Variants in LARP1 observed in about 807,000 individuals in gnomAD.
The protein encoded by LARP1 is la-related protein 1.
LARP1 carries 36 observed loss-of-function variants against 122.7 expected under a neutral mutation model. That is an observed-to-expected ratio of 0.29 (90% CI 0.22 to 0.39). The LOEUF (loss-of-function observed/expected upper bound fraction) is 0.39. LARP1 is among the 10% of genes least tolerant of loss of function. The pLI, the probability that LARP1 is intolerant of heterozygous loss-of-function variation, is 1.00. For missense variants in LARP1, 1,040 were observed against 1,403.6 expected, an observed-to-expected ratio of 0.74 and a Z score of 4.14; for synonymous variants, 539 against 528.7, an observed-to-expected ratio of 1.02 and a Z score of -0.27.
rs1582426403 is a variant in LARP1 at position 154,792,530 on chromosome 5, C to T, written c.565-92C>T. ...CAGCCTGCCATTGCATGCTGTGGCT[C>T]CTGCCTGCCCTTCTAGTGACAGGGA... On this transcript the variant is annotated intron_variant, in intron 3 of 18. Coordinates refer to ENST00000518297, the MANE Select transcript of LARP1 (RefSeq NM_033551.3). 2.7e-5 allele frequency: 32 copies of T among 1,170,060 alleles called. No homozygotes were observed. In the East Asian group the frequency reaches 7.3e-4, roughly 27 times the overall value. The allele number at this position is 1,170,060 out of a possible 1,614,324, so 72.5% of individuals were successfully genotyped here. A position where few individuals can be genotyped will look rare whatever the true frequency, so the allele number is the denominator to read the frequency against.
intron 1 of LARP1, among the ~76,000 whole-genome samples, chr5:154,696,190 C>G (rs1222468825): frequency 6.6e-6 from 1 of 151,986 alleles, no homozygotes; most frequent in Non-Finnish European, 1.5e-5. Context: ...AACACTTTTT[C>G]TACAAAAAAT....
At chr5:154,739,134 A>G (rs759331030) in intron 1 of LARP1, among the ~76,000 whole-genome samples, 5 of 151,192 alleles carry the variant, frequency 3.3e-5, no homozygotes, top group African/African-American at 4.9e-5. Context: ...TTCTGCCTCA[A>G]CCTCCCAAGT....
Position 154,790,393 on chromosome 5 carries a change from A to G in LARP1, c.498+7A>G. ...ACAGCGCAAAGGCAGCAAGGTAAAGAATAACAGTGGGCAACCCAAGGGGAC... is the reference window on the plus strand; with the variant it reads ...ACAGCGCAAAGGCAGCAAGGTAAAGGATAACAGTGGGCAACCCAAGGGGAC... On this transcript the variant is annotated splice_region_variant and intron_variant, in intron 2 of 18. Transcript: ENST00000518297. 6.2e-7 allele frequency: 1 copy of G among 1,613,032 alleles called. No individual in the cohort carries two copies. Among genetic ancestry groups the G allele is most frequent in the South Asian group, 1.1e-5 (1 of 90,902 alleles).
upstream of LARP1, among the ~76,000 whole-genome samples, chr5:154,711,383 G>A (rs1403833644): frequency 2.6e-5 from 4 of 152,050 alleles, no homozygotes; most frequent in Non-Finnish European, 5.9e-5. Flanking sequence ...CTCGTGATCC[G>A]CCCACCTCAG....
intron 1 of LARP1, among the ~76,000 whole-genome samples, chr5:154,784,360 T>A (rs1756712882): frequency 6.6e-6 from 1 of 152,186 alleles, no homozygotes; most frequent in African/African-American, 2.4e-5. Context: ...CTGGGAGGTC[T>A]ACCCGAAGGA....
chr5:154,774,262 T>C (rs1033489977), intron 1 of LARP1, among the ~76,000 whole-genome samples: 4 of 152,052 alleles, frequency 2.6e-5, no homozygotes, highest in African/African-American at 9.7e-5. Flanking sequence ...GGATGGAGTT[T>C]AAATACTGGA....
chr5:154,707,498 G>T (rs1480157079), intron 1 of LARP1, among the ~76,000 whole-genome samples: 1 of 152,072 alleles, frequency 6.6e-6, no homozygotes, highest in Non-Finnish European at 1.5e-5. Flanking sequence ...AAGACACCTT[G>T]GTTCCTTTTA....
intron 1 of LARP1, among the ~76,000 whole-genome samples, chr5:154,692,157 C>T (rs1754250991): frequency 6.6e-6 from 1 of 152,216 alleles, no homozygotes; most frequent in Admixed American, 6.5e-5. Context: ...ACTGAAACCC[C>T]TTAGAACGGT....
intron 1 of LARP1, 97 bp downstream of exon 1, chr5:154,756,290 C>T: frequency 2.4e-5 from 24 of 982,090 alleles, no homozygotes; most frequent in South Asian, 5.2e-5. Flanking sequence ...GGTCTGCTAC[C>T]GGTCATGGTG....
chr5:154,703,383 C>G (rs1159611460), intron 1 of LARP1, among the ~76,000 whole-genome samples: 1 of 152,156 alleles, frequency 6.6e-6, no homozygotes, highest in Non-Finnish European at 1.5e-5. Flanking sequence ...GGCAGGTGGA[C>G]TGACCAACTG....
chr5:154,713,135 G>A (rs762450317), intron 1 of LARP1: 19 of 1,607,932 alleles, frequency 1.2e-5, no homozygotes, highest in Middle Eastern at 1.9e-4. Flanking sequence ...ACCCTGGTGA[G>A]TCCTAGCACT....
At chr5:154,784,057 C>T (rs1411203299) in intron 1 of LARP1, among the ~76,000 whole-genome samples, 1 of 152,228 alleles carries the variant, frequency 6.6e-6, no homozygotes, top group Non-Finnish European at 1.5e-5. Context: ...CCAGCAGTTT[C>T]TAGGACACTA....
At chr5:154,789,598 AATGG>A (rs1197837780) in intron 1 of LARP1, among the ~76,000 whole-genome samples, 1 of 152,198 alleles carries the variant, frequency 6.6e-6, no homozygotes, top group Non-Finnish European at 1.5e-5. Context: ...CTTTTCTAAA[AATGG>A]ATGAACTTTA....
intron 1 of LARP1, among the ~76,000 whole-genome samples, chr5:154,776,887 C>T (rs923492657): frequency 6.6e-6 from 1 of 152,202 alleles, no homozygotes; most frequent in African/African-American, 2.4e-5. Context: ...TTTGGAACAG[C>T]TCTGCTATTT....
chr5:154,767,166 A>G (rs1755021312), intron 1 of LARP1, among the ~76,000 whole-genome samples: 1 of 152,222 alleles, frequency 6.6e-6, no homozygotes, highest in East Asian at 1.9e-4. Context: ...GCCCTTGGAT[A>G]GGTTGCTAAC....
At chr5:154,709,283 C>T (rs911542119), upstream of LARP1, among the ~76,000 whole-genome samples, 4 of 152,256 alleles carry the variant, frequency 2.6e-5, no homozygotes, top group Non-Finnish European at 5.9e-5. Flanking sequence ...TGGTGGCCTT[C>T]AATAATTGCT....
At chr5:154,727,468 G>A (rs1756291626) in intron 1 of LARP1, among the ~76,000 whole-genome samples, 1 of 152,174 alleles carries the variant, frequency 6.6e-6, no homozygotes, top group Admixed American at 6.5e-5. Context: ...GAGTAGAATG[G>A]TGGTTACCAA....
intron 1 of LARP1, among the ~76,000 whole-genome samples, chr5:154,699,557 C>T (rs574446687): frequency 5.9e-5 from 9 of 152,058 alleles, no homozygotes; most frequent in African/African-American, 1.4e-4. Context: ...GTTCCTGAAA[C>T]GGGACTACTG....
chr5:154,802,253 C>T lies in LARP1; in HGVS notation c.1963C>T (p.Arg655Trp). 4 of 1,614,162 alleles carry T rather than the reference C, an allele frequency of 2.5e-6. No individual in the cohort carries two copies. Among genetic ancestry groups the T allele is most frequent in the East Asian group, 2.2e-5 (1 of 44,888 alleles). Residue 655 changes from arginine (R) to tryptophan (W), a missense_variant, in exon 11 of 19, where the codon CGG becomes TGG. By Grantham distance (101) the Arg-to-Trp change is moderately radical. Around this residue, in one of 8 missense-constraint regions of LARP1, gnomAD observed 362 missense variants for 533.1 expected, o/e 0.68. Transcript: ENST00000518297. This position sits in a 1 kb window ranked among gnomAD's most constrained non-coding sequence, Gnocchi z 5.1. Reference protein sequence around the residue: ...IVTQTPHYMRRHPGGDRTGNH... With the variant: ...IVTQTPHYMRWHPGGDRTGNH... ...CACCCAGACACCACATTACATGCGC[C>T]GGCACCCAGGGGGGGACCGCACAGG...
Sources: gnomAD v4.1 joint callset for allele counts (sites outside exome capture counted in the v4.1 genomes callset) on GRCh38, gnomAD v4.1.1 for gene constraint, gnomAD v4.1.1 regional missense constraint, Gnocchi (gnomAD v3.1) non-coding constraint, MANE v1.5 for transcripts, NCBI Gene and HGNC (gene_info 2026-07-23, HGNC 2026-07-21) for gene names.